Variants in LONP1 observed in about 807,000 individuals in gnomAD.
LONP1 encodes the protein lon protease homolog, mitochondrial.
Under a neutral mutation model 98.5 loss-of-function variants are expected in LONP1, and 31 were observed. The ratio of observed to expected loss-of-function variants is 0.31; its 90% confidence interval spans 0.24 to 0.42. LONP1 has a LOEUF of 0.42. Ranked by LOEUF, LONP1 falls within the 20% of genes least tolerant of loss-of-function variation. The pLI, the probability that LONP1 is intolerant of heterozygous loss-of-function variation, is 1.00. For synonymous variants in LONP1, 781 were observed against 594.7 expected, an observed-to-expected ratio of 1.31 and a Z score of -4.56; for missense variants, 1,336 against 1,350.6, an observed-to-expected ratio of 0.99 and a Z score of 0.17.
intron 10 of LONP1, among the ~76,000 whole-genome samples, chr19:5,697,735 C>T (rs1227202372): frequency 6.7e-6 from 1 of 149,342 alleles, no homozygotes; most frequent in African/African-American, 2.4e-5. Flanking sequence ...GATCCATCGC[C>T]CCGCAGCCAG....
In LONP1 at chr19:5,692,212, G is replaced by C. The variant is rs200560013; in HGVS notation, c.2704-4C>G. On this transcript the variant is annotated splice_polypyrimidine_tract_variant and splice_region_variant and intron_variant, in intron 17 of 17. Transcript: ENST00000360614. ...ACGTCACCCCTGCGCGCTTGGCCTG[G>C]GGGCAGAGTCAGGGTCAGCCCTGCC... is the stretch of plus-strand genomic sequence containing the variant. 3.1e-6 allele frequency: 5 copies of C among 1,609,378 alleles called. No individual in the cohort carries two copies. The highest frequency in any genetic ancestry group is 1.3e-5 in the African/African-American group (1 of 75,018).
chr19:5,712,026 T>C, intron 3 of LONP1, 24 bp from the exon 4 acceptor site: 1 of 1,590,826 alleles, frequency 6.3e-7, no homozygotes, highest in East Asian at 2.3e-5. Flanking sequence ...AAGGCAGGTG[T>C]GAATCAGCCG....
chr19:5,697,048 C>T (rs1292943246), intron 10 of LONP1, among the ~76,000 whole-genome samples: 1 of 152,220 alleles, frequency 6.6e-6, no homozygotes, highest in African/African-American at 2.4e-5. Context: ...GCGCTGGCAG[C>T]AGAAGGCCCC....
chr19:5,708,626 A>C, intron 4 of LONP1: 3 of 528,998 alleles, frequency 5.7e-6, no homozygotes, highest in Non-Finnish European at 6.9e-6. Context: ...ACTAAAACCA[A>C]ACCCTGTCTC....
chr19:5,720,252 G>C, upstream of LONP1: 1 of 1,332,220 alleles, frequency 7.5e-7, no homozygotes, highest in Non-Finnish European at 9.7e-7. Context: ...AGCCGCTTCA[G>C]GGAGCTGGGC....
chr19:5,707,757 C>T lies in LONP1; in HGVS notation c.1002G>A (p.Met334Ile). Reference protein sequence around the residue: ...VVDNPIYLSDMGAALTGAESH... With the variant: ...VVDNPIYLSDIGAALTGAESH... ...ACTCGGCCCCGGTGAGCGCGGCGCC[C>T]ATGTCGCTCAGGTAGATGGGGTTGT... The change falls in exon 6 of 18, where the codon ATG becomes ATA. Residue 334 changes from methionine to isoleucine, a missense_variant. By Grantham distance (10) the Met-to-Ile change is conservative. This residue lies in a region of LONP1 where 97 missense variants were observed against 139.0 expected (regional missense o/e 0.70). Coordinates refer to ENST00000360614, the MANE Select transcript of LONP1 (RefSeq NM_004793.4). 1 of 1,613,382 alleles carries T rather than the reference C, an allele frequency of 6.2e-7. No individual in the cohort carries two copies. Among genetic ancestry groups the T allele is most frequent in the East Asian group, 2.2e-5 (1 of 44,880 alleles).
rs766885836 is a variant in LONP1, at chr19:5,719,741, C to G, written c.392G>C (p.Arg131Pro). 1 of 1,613,834 alleles carries G rather than the reference C, an allele frequency of 6.2e-7. No individual in the cohort carries two copies. The change falls in exon 1 of 18, where the codon CGC (arginine) becomes CCC (proline). Residue 131 changes from arginine (R) to proline (P), a missense_variant. Physicochemically the swap from Arg to Pro is moderately radical, Grantham distance 103. Transcript: ENST00000360614. ...FPHLPLIAIT[R>P]NPVFPRFIKI... ...GATAAAGCGCGGGAACACCGGGTTG[C>G]GGGTGATGGCGATGAGCGGCAGGTG...
chr19:5,719,830 C>T lies in LONP1; in HGVS notation c.303G>A (p.Ala101=), dbSNP rs1220383210. ...EEGAGGAGGS[A]GAGEGPVITA... ...TTATGACCGGGCCTTCCCCGGCGCC[C>T]GCGCTGCCCCCCGCGCCGCCGGCTC... Residue 101 remains alanine (A), a synonymous_variant, in exon 1 of 18, where the codon GCG becomes GCA. Transcript: ENST00000360614. 7 of 1,609,592 alleles carry T rather than the reference C, an allele frequency of 4.3e-6. No homozygotes were observed. Among genetic ancestry groups the T allele is most frequent in the East Asian group, 4.5e-5 (2 of 44,716 alleles).
chr19:5,695,999 G>C, intron 13 of LONP1, 55 bp downstream of exon 13: 6 of 1,510,704 alleles, frequency 4.0e-6, no homozygotes, highest in Non-Finnish European at 5.4e-6. Context: ...TGCAGGCTCT[G>C]GGGGGCGCCC....
chr19:5,702,734 T>G lies in LONP1; in HGVS notation c.1368-1807A>C, dbSNP rs574802107. On this transcript the variant is annotated intron_variant, in intron 8 of 17. Coordinates refer to ENST00000360614, the MANE Select transcript of LONP1 (RefSeq NM_004793.4). ...TGACCTTACCCCCAACCCTGTGCTCTCTGAAACATGTGCTGTGTCCACTCA... is the reference window on the plus strand; with the variant it reads ...TGACCTTACCCCCAACCCTGTGCTCGCTGAAACATGTGCTGTGTCCACTCA... Among the ~76,000 whole-genome samples, 3 of 151,996 alleles carry G rather than the reference T, an allele frequency of 2.0e-5. No individual in the cohort carries two copies. In the South Asian group the frequency reaches 6.3e-4, roughly 32 times the overall value.
chr19:5,716,880 G>A (rs2055333396), intron 1 of LONP1, among the ~76,000 whole-genome samples: 1 of 152,052 alleles, frequency 6.6e-6, no homozygotes, highest in Non-Finnish European at 1.5e-5. Context: ...TGCAAGCTCC[G>A]CCTCCTGGGT....
At chr19:5,708,207 C>T (rs2055178559) in intron 5 of LONP1, 135 bp downstream of exon 5, 1 of 894,320 alleles carries the variant, frequency 1.1e-6, no homozygotes, top group South Asian at 1.6e-5. Flanking sequence ...GCAACGGGCT[C>T]CTCCACACAG....
rs1180786362 is a variant in LONP1 at position 5,695,914 on chromosome 19, A to T, written c.2013+140T>A. ...CTCGCAAGCGTCTGGTGTGTCTCTCACGGCCCCATCTGCTCCTCGGCCGCA... is the reference window on the plus strand; with the variant it reads ...CTCGCAAGCGTCTGGTGTGTCTCTCTCGGCCCCATCTGCTCCTCGGCCGCA... On this transcript the variant is annotated intron_variant, in intron 13 of 17. Coordinates refer to ENST00000360614, the MANE Select transcript of LONP1 (RefSeq NM_004793.4). 9 of 687,304 alleles carry T rather than the reference A, an allele frequency of 1.3e-5. No homozygotes were observed. The South Asian group carries it at 1.5e-4, about 11-fold the overall frequency. The allele number at this position is 687,304 out of a possible 1,614,324, so 42.6% of individuals were successfully genotyped here. A position where few individuals can be genotyped will look rare whatever the true frequency, so the allele number is the denominator to read the frequency against.
At chr19:5,699,877 C>T (rs980299201) in intron 9 of LONP1, among the ~76,000 whole-genome samples, 6 of 151,726 alleles carry the variant, frequency 4.0e-5, no homozygotes, top group Non-Finnish European at 8.8e-5. Context: ...TGTTTTTTAA[C>T]CTTTGACTCC....
rs1171352056 is a variant in LONP1, at chr19:5,692,002, C to T, written c.*30G>A. On this transcript the variant is annotated 3_prime_UTR_variant, in exon 18 of 18. Coordinates refer to ENST00000360614, the MANE Select transcript of LONP1 (RefSeq NM_004793.4). Reference sequence around the variant, plus strand: ...CAGTTCTGGCCCAGACAGGGCCTGACATCCGCCGCCTGCAGTCCCGGGGTG... The same window carrying T: ...CAGTTCTGGCCCAGACAGGGCCTGATATCCGCCGCCTGCAGTCCCGGGGTG... 2 of 1,595,656 alleles carry T rather than the reference C, an allele frequency of 1.3e-6. No individual in the cohort carries two copies. The highest frequency in any genetic ancestry group is 8.5e-7 in the Non-Finnish European group (1 of 1,170,024).
At chr19:5,693,238 G>A in intron 17 of LONP1, 60 bp downstream of exon 17, 4 of 1,551,904 alleles carry the variant, frequency 2.6e-6, no homozygotes, top group Non-Finnish European at 3.5e-6. Context: ...CGGGGACTGG[G>A]CCTGTCCCGT....
At position 5,719,899 on chromosome 19, in the gene LONP1, T is replaced by G; in HGVS notation, c.234A>C (p.Ala78=). ...CGGAGGCGTCCTCGCCCCCCGAGAA[T>G]GCGCCTCCGCCGCGGCTGCTCGCTT... ...FWEASSRGGG[A]FSGGEDASEG... is the part of the protein sequence containing the mutation. The change falls in exon 1 of 18, where the codon GCA becomes GCC. Residue 78 remains alanine (A), a synonymous_variant. Transcript: ENST00000360614. 1 of 1,555,990 alleles carries G rather than the reference T, an allele frequency of 6.4e-7. No homozygotes were observed. The highest frequency in any genetic ancestry group is 8.7e-7 in the Non-Finnish European group (1 of 1,152,004).
intron 11 of LONP1, 136 bp from the exon 12 acceptor site, chr19:5,696,507 C>G: frequency 7.5e-7 from 1 of 1,340,746 alleles, no homozygotes. Flanking sequence ...GGGCAGCCTG[C>G]TGGGCGTGGC....
Position 5,699,160 on chromosome 19 carries a change from T to A in LONP1, c.1552A>T (p.Ile518Phe). The part of the protein sequence containing the change: ...SQLRGSTQGK[I>F]LCFYGPPGVG... ...CCAGGGGGGCCATAGAAGCAGAGGATCTTGCCCTGGGTGGAGCCGCGGAGC... is the reference window on the plus strand; with the variant it reads ...CCAGGGGGGCCATAGAAGCAGAGGAACTTGCCCTGGGTGGAGCCGCGGAGC... The change falls in exon 10 of 18, where the codon ATC (isoleucine) becomes TTC (phenylalanine). Residue 518 changes from isoleucine (I) to phenylalanine (F), a missense_variant. Physicochemically the swap from Ile to Phe is conservative, Grantham distance 21. Around this residue, in one of 5 missense-constraint regions of LONP1, gnomAD observed 219 missense variants for 241.0 expected, o/e 0.91. Coordinates refer to ENST00000360614, the MANE Select transcript of LONP1 (RefSeq NM_004793.4). 6.5e-7 allele frequency: 1 copy of A among 1,545,542 alleles called. No individual in the cohort carries two copies. The highest frequency in any genetic ancestry group is 1.4e-5 in the African/African-American group (1 of 72,698).
Sources: allele counts gnomAD v4.1 joint callset (sites outside exome capture counted in the v4.1 genomes callset), GRCh38; gene constraint gnomAD v4.1.1; regional missense constraint gnomAD v4.1.1; transcripts MANE v1.5; gene names NCBI Gene and HGNC (gene_info 2026-07-23, HGNC 2026-07-21).